The following OXR1 variants were observed in gnomAD, a reference collection of about 807,000 sequenced individuals.
OXR1 encodes oxidation resistance 1.
Under a neutral mutation model 104.6 loss-of-function variants are expected in OXR1, and 41 were observed. The ratio of observed to expected loss-of-function variants is 0.39; its 90% CI spans 0.31 to 0.51. OXR1 has a LOEUF of 0.51. Ranked by LOEUF, OXR1 falls within the 20% of genes least tolerant of loss-of-function variation. OXR1 has a pLI of 0.77. For synonymous variants in OXR1, 348 were observed against 348.4 expected (o/e 1.00, Z 0.01); for missense variants, 955 against 1,031.9 (o/e 0.93, Z 1.02).
At chr8:106,339,528 A>T (rs1458618572) in intron 1 of OXR1, among the ~76,000 whole-genome samples, 1,317 of 27,908 alleles carry the variant, frequency 0.047, 103 homozygotes, top group South Asian at 0.12. Context: ...AAATATATAT[A>T]TATATATATA....
chr8:106,515,834 A>G (rs773164172), intron 2 of OXR1, among the ~76,000 whole-genome samples: 1 of 152,138 alleles, frequency 6.6e-6, no homozygotes, highest in Non-Finnish European at 1.5e-5. Flanking sequence ...TTCCTCAAGT[A>G]TATGACAACA....
At chr8:106,745,688 T>G (rs1013299965) in intron 15 of OXR1, 101 bp from the exon 16 acceptor site, 1 of 561,108 alleles carries the variant, frequency 1.8e-6, no homozygotes, top group African/African-American at 1.9e-5. Flanking sequence ...ATTCTTATAC[T>G]GCCAGTCTTG....
At chr8:106,313,641 C>CA (rs386413584) in intron 1 of OXR1, among the ~76,000 whole-genome samples, 1 of 22,448 alleles carries the variant, frequency 4.5e-5, no homozygotes, top group East Asian at 5.8e-4. Flanking sequence ...CGTTTATTCT[C>CA]CTTTTGCTAG....
intron 1 of OXR1, among the ~76,000 whole-genome samples, chr8:106,322,216 C>T (rs1274367329): frequency 6.6e-6 from 1 of 152,124 alleles, no homozygotes; most frequent in South Asian, 2.1e-4. Flanking sequence ...AAGTTGGCTT[C>T]GTCCCTGGGA....
At chr8:106,616,775 C>G (rs1301804913) in intron 3 of OXR1, among the ~76,000 whole-genome samples, 1 of 152,200 alleles carries the variant, frequency 6.6e-6, no homozygotes, top group African/African-American at 2.4e-5. Context: ...TCACCTTGTA[C>G]TAACTCTGCA....
At chr8:106,699,849 A>C (rs1179579819) in intron 7 of OXR1, among the ~76,000 whole-genome samples, 3 of 152,130 alleles carry the variant, frequency 2.0e-5, no homozygotes, top group African/African-American at 7.2e-5. Flanking sequence ...ACAAAAGATT[A>C]TTTATGTAAC....
At chr8:106,311,057 A>G (rs544735104) in intron 1 of OXR1, among the ~76,000 whole-genome samples, 1 of 152,104 alleles carries the variant, frequency 6.6e-6, no homozygotes, top group African/African-American at 2.4e-5. Context: ...TGTGTATTGG[A>G]CCATCTTGAT....
chr8:106,356,041 T>C (rs1015295281), intron 1 of OXR1, among the ~76,000 whole-genome samples: 5 of 152,194 alleles, frequency 3.3e-5, no homozygotes, highest in African/African-American at 1.2e-4. Context: ...AAGTGCTGGA[T>C]TGAGCTTGCA....
At chr8:106,711,976 C>G (rs1284986095) in intron 10 of OXR1, among the ~76,000 whole-genome samples, 1 of 151,954 alleles carries the variant, frequency 6.6e-6, no homozygotes, top group Non-Finnish European at 1.5e-5. Context: ...ATAGGAAATG[C>G]CTGTCTTAAG....
chr8:106,658,169 C>G, intron 3 of OXR1: 1 of 1,243,586 alleles, frequency 8.0e-7, no homozygotes. Context: ...CGGCGCCGTC[C>G]AGCCCGGAGG....
At chr8:106,311,313 T>C (rs1007278330) in intron 1 of OXR1, among the ~76,000 whole-genome samples, 25 of 152,170 alleles carry the variant, frequency 1.6e-4, no homozygotes, top group Non-Finnish European at 8.8e-5. Flanking sequence ...TTGTTCCTTT[T>C]TTTGGTTTCT....
chr8:106,425,303 G>A (rs1819069289), intron 2 of OXR1, among the ~76,000 whole-genome samples: 1 of 151,756 alleles, frequency 6.6e-6, no homozygotes, highest in Admixed American at 6.6e-5. Flanking sequence ...GGCTCAAGCT[G>A]TTCTCCCTCC....
chr8:106,413,207 T>C (rs1002145470), intron 2 of OXR1, among the ~76,000 whole-genome samples: 17 of 152,164 alleles, frequency 1.1e-4, no homozygotes, highest in Admixed American at 2.6e-4. Flanking sequence ...TGTGATATTT[T>C]TTTGGCTTTG....
At chr8:106,696,765 G>A (rs1231055721) in intron 7 of OXR1, among the ~76,000 whole-genome samples, 3 of 151,392 alleles carry the variant, frequency 2.0e-5, no homozygotes, top group Non-Finnish European at 2.9e-5. Flanking sequence ...TCTTTAAATC[G>A]ACAAACTCAT....
chr8:106,684,606 A>T (rs1368271894), intron 6 of OXR1, among the ~76,000 whole-genome samples: 2 of 152,190 alleles, frequency 1.3e-5, no homozygotes, highest in Non-Finnish European at 2.9e-5. Flanking sequence ...TTATTTTTTA[A>T]AGAACATATA....
chr8:106,391,267 A>AATTATATT (rs1291300141), intron 2 of OXR1, among the ~76,000 whole-genome samples: 14 of 152,174 alleles, frequency 9.2e-5, no homozygotes, highest in African/African-American at 2.7e-4. Context: ...AAGATACAGA[A>AATTATATT]ATTATATTTA....
chr8:106,293,094 G>A (rs1049537653), intron 1 of OXR1, among the ~76,000 whole-genome samples: 3 of 152,200 alleles, frequency 2.0e-5, no homozygotes, highest in South Asian at 4.1e-4. Context: ...GTAGTACACA[G>A]AAGATTTACT....
In OXR1 at chr8:106,751,031, C is replaced by T. The variant is rs910332914; in HGVS notation, c.*90C>T. The T allele has an allele frequency of 2.2e-6, 2 of 907,114 alleles. No individual in the cohort carries two copies. The highest frequency in any genetic ancestry group is 3.4e-5 in the African/African-American group (2 of 58,972). 56.2% of individuals were successfully genotyped at this position (907,114 alleles called of 1,614,324 possible). On this transcript the variant is annotated 3_prime_UTR_variant, in exon 17 of 17. Transcript: ENST00000517566. ...AAGTTCAAGAAGCAATACAGTGTAA[C>T]ATGTCACTTGTGCTTTAAAATTAGT...
intron 1 of OXR1, among the ~76,000 whole-genome samples, chr8:106,286,377 T>G (rs1026614716): frequency 7.4e-4 from 108 of 146,762 alleles, no homozygotes; most frequent in Admixed American, 3.8e-3. Context: ...GTTAGGGTTT[T>G]TTTTTTTTTT....
Sources: gnomAD v4.1 joint callset for allele counts (sites outside exome capture counted in the v4.1 genomes callset) on GRCh38, gnomAD v4.1.1 for gene constraint, MANE v1.5 for transcripts, NCBI Gene and HGNC (gene_info 2026-07-23, HGNC 2026-07-21) for gene names.